Variants in NRN1 observed in about 807,000 individuals in gnomAD.
NRN1 encodes the protein neuritin.
NRN1 carries 4 observed loss-of-function variants against 15.0 expected under a neutral mutation model. That is an observed-to-expected ratio of 0.27 (90% CI 0.13 to 0.61). The LOEUF is 0.61. Among genes scored for constraint, NRN1 ranks in the 20% least tolerant of loss-of-function variants. The probability of loss-of-function intolerance (pLI) is 0.87; values close to 1 mark genes in which losing one functional copy is unlikely to be tolerated. For synonymous variants in NRN1, 85 were observed against 79.8 expected, an observed-to-expected ratio of 1.07 and a Z score of -0.35; for missense variants, 134 against 181.9, an observed-to-expected ratio of 0.74 and a Z score of 1.51.
intron 1 of NRN1, chr6:6,003,686 A>G (rs1758029414): frequency 2.4e-6 from 3 of 1,233,436 alleles, no homozygotes; most frequent in Non-Finnish European, 2.0e-6. Context: ...GAGGCGCGGG[A>G]CTGGAAGGAC....
At chr6:6,003,115 A>T (rs1219604105) in intron 1 of NRN1, 2 of 1,014,338 alleles carry the variant, frequency 2.0e-6, no homozygotes, top group Non-Finnish European at 2.5e-6. Context: ...TAGTCCCTGG[A>T]AGCCACCAGC....
chr6:6,006,513 G>A (rs781172888), intron 1 of NRN1, among the ~76,000 whole-genome samples, 182 bp downstream of exon 1: 2 of 152,186 alleles, frequency 1.3e-5, no homozygotes, highest in Non-Finnish European at 2.9e-5. Context: ...GGAATCTATA[G>A]CTTTAGGAAA....
chr6:6,003,350 A>G (rs1488666420), intron 1 of NRN1: 5 of 843,706 alleles, frequency 5.9e-6, no homozygotes, highest in Non-Finnish European at 7.9e-6. Flanking sequence ...GGCCAAATCC[A>G]CGAACCTCGG....
At chr6:6,000,171 A>G (rs1474667700) in intron 2 of NRN1, among the ~76,000 whole-genome samples, 2 of 152,060 alleles carry the variant, frequency 1.3e-5, no homozygotes, top group African/African-American at 2.4e-5. Flanking sequence ...ACCTCTGCCA[A>G]CCTTCGAGGA....
At chr6:6,006,500 T>C (rs1441315258) in intron 1 of NRN1, among the ~76,000 whole-genome samples, 195 bp downstream of exon 1, 1 of 152,070 alleles carries the variant, frequency 6.6e-6, no homozygotes, top group African/African-American at 2.4e-5. Context: ...CTGGCGAACA[T>C]TTGGAATCTA....
rs764429593 is a variant in NRN1 at position 6,002,469 on chromosome 6, C to T, written c.84G>A (p.Ala28=). ...IAYLVQAVRA[A]GKCDAVFKGF... Reference sequence around the variant, plus strand: ...CCTTGAAGACCGCATCGCACTTGCCCGCTGCTCTCACGGCCTGCACCAGAT... The same window carrying T: ...CCTTGAAGACCGCATCGCACTTGCCTGCTGCTCTCACGGCCTGCACCAGAT... Residue 28 remains alanine, a synonymous_variant, in exon 2 of 3, where the codon GCG becomes GCA. Transcript: ENST00000244766. 2 of 1,614,114 alleles carry T rather than the reference C, an allele frequency of 1.2e-6. No homozygotes were observed. Among genetic ancestry groups the T allele is most frequent in the Non-Finnish European group, 8.5e-7 (1 of 1,179,990 alleles).
intron 2 of NRN1, among the ~76,000 whole-genome samples, chr6:5,999,995 T>G (rs1757895459): frequency 6.6e-6 from 1 of 152,194 alleles, no homozygotes; most frequent in Non-Finnish European, 1.5e-5. Flanking sequence ...GTAGCCTTCA[T>G]CTGCTCTTGC....
rs1044287654 is a variant in NRN1 at position 5,998,930 on chromosome 6, C to T, written c.*46G>A. ...GGATCTTCCTCTCGATTTCCGGGAG[C>T]ATGGAGTGAGTGTGGGTGGGCGCGC... On this transcript the variant is annotated 3_prime_UTR_variant, in exon 3 of 3. Transcript: ENST00000244766. 7.3e-7 allele frequency: 1 copy of T among 1,374,230 alleles called. No homozygotes were observed. Among genetic ancestry groups the T allele is most frequent in the Non-Finnish European group, 1.0e-6 (1 of 977,942 alleles). 85.1% of individuals were successfully genotyped at this position (1,374,230 alleles called of 1,614,324 possible).
intron 2 of NRN1, among the ~76,000 whole-genome samples, chr6:6,000,665 C>G (rs1330658590): frequency 6.7e-6 from 1 of 150,006 alleles, no homozygotes; most frequent in Non-Finnish European, 1.5e-5. Flanking sequence ...CCAGGGAGGA[C>G]AGCTTTCCTG....
rs1758123255 is a variant in NRN1 at position 6,006,848 on chromosome 6, G to A, written c.-99C>T. ...AAAATAGGCATTGCCAACAAGTTCC[G>A]GGAGCGACAGAGACTTTATGCACTG... On this transcript the variant is annotated 5_prime_UTR_variant, in exon 1 of 3. Coordinates refer to ENST00000244766, the MANE Select transcript of NRN1 (RefSeq NM_016588.3). The A allele has an allele frequency of 2.9e-6, 3 of 1,037,590 alleles. No individual in the cohort carries two copies. Among genetic ancestry groups the A allele is most frequent in the African/African-American group, 1.6e-5 (1 of 63,902 alleles). The allele number at this position is 1,037,590 out of a possible 1,614,324, so 64.3% of individuals were successfully genotyped here.
In NRN1 at chr6:5,998,887, C is replaced by A; in HGVS notation, c.*89G>T. 2 of 848,346 alleles carry A rather than the reference C, an allele frequency of 2.4e-6. No individual in the cohort carries two copies. Among genetic ancestry groups the A allele is most frequent in the South Asian group, 1.6e-5 (1 of 63,304 alleles). The allele number at this position is 848,346 out of a possible 1,614,324, so 52.6% of individuals were successfully genotyped here. ...TTTTCAGCATCACAGAGAATCACAA[C>A]GTCCCCAAAGAACTAATGGATCTTC... On this transcript the variant is annotated 3_prime_UTR_variant, in exon 3 of 3. Transcript: ENST00000244766.
chr6:5,998,531 C>G lies in NRN1; in HGVS notation c.*445G>C, dbSNP rs1757830916. On this transcript the variant is annotated 3_prime_UTR_variant, in exon 3 of 3. Transcript: ENST00000244766. ...CCGTATGTTTCGTCCGTGGACATCT[C>G]TCTTGAATTCATTCCCCTGGCCTTC... 6.4e-6 allele frequency: 1 copy of G among 155,842 alleles called. No homozygotes were observed. Among genetic ancestry groups the G allele is most frequent in the Non-Finnish European group, 1.4e-5 (1 of 70,240 alleles). The allele number at this position is 155,842 out of a possible 1,614,324, so 9.7% of individuals were successfully genotyped here.
At chr6:6,002,253 G>A (rs900755752) in intron 2 of NRN1, 100 bp downstream of exon 2, 50 of 1,452,018 alleles carry the variant, frequency 3.4e-5, no homozygotes, top group Middle Eastern at 3.6e-4. Flanking sequence ...GCGGATTCGC[G>A]CTGGCGCTGA....
In NRN1 at chr6:5,998,344, T is replaced by TA. The variant is rs1757823955; in HGVS notation, c.*631dup. 1 of 152,328 alleles carries TA rather than the reference T, an allele frequency of 6.6e-6. No homozygotes were observed. The highest frequency in any genetic ancestry group is 1.5e-5 in the Non-Finnish European group (1 of 68,122). The allele number at this position is 152,328 out of a possible 1,614,324, so 9.4% of individuals were successfully genotyped here. On this transcript the variant is annotated 3_prime_UTR_variant, in exon 3 of 3. Transcript: ENST00000244766. The stretch of plus-strand genomic sequence containing the variant: ...TAGCAGCATGTCTTCTGGAAGCCTT[T>TA]ACTCTTACCCCAGAGATTTCCTCAG...
Position 6,002,599 on chromosome 6 carries a change from G to C in NRN1, c.56-102C>G, listed in dbSNP as rs934170888. The C allele has an allele frequency of 2.7e-6, 4 of 1,475,168 alleles. No homozygotes were observed. In the East Asian group the frequency reaches 7.1e-5, roughly 26 times the overall value. 91.4% of individuals were successfully genotyped at this position (1,475,168 alleles called of 1,614,324 possible). A position where few individuals can be genotyped will look rare whatever the true frequency, so the allele number is the denominator to read the frequency against. On this transcript the variant is annotated intron_variant, in intron 1 of 2. Coordinates refer to ENST00000244766, the MANE Select transcript of NRN1 (RefSeq NM_016588.3). Reference sequence around the variant, plus strand: ...TGGCTCCGCGCGGCCTCATCGCATCGGGCGGCCTCTCCCAGCGCCCAGCCT... The same window carrying C: ...TGGCTCCGCGCGGCCTCATCGCATCCGGCGGCCTCTCCCAGCGCCCAGCCT...
At chr6:6,006,668 C>A in intron 1 of NRN1, 27 bp downstream of exon 1, 2 of 1,613,140 alleles carry the variant, frequency 1.2e-6, no homozygotes, top group Non-Finnish European at 1.7e-6. Context: ...CGCCTCCAGC[C>A]TCCAGCCGGG....
intron 2 of NRN1, 113 bp downstream of exon 2, chr6:6,002,240 G>T: frequency 7.3e-7 from 1 of 1,365,392 alleles, no homozygotes. Context: ...AGAGTGAGCC[G>T]ATGCGGATTC....
chr6:6,003,409 C>T (rs1758018510), intron 1 of NRN1: 1 of 481,190 alleles, frequency 2.1e-6, no homozygotes, highest in Non-Finnish European at 3.3e-6. Context: ...CCCCAGACAC[C>T]CTTAACAACC....
intron 1 of NRN1, among the ~76,000 whole-genome samples, chr6:6,004,416 C>T (rs1758053008): frequency 6.6e-6 from 1 of 152,178 alleles, no homozygotes. Flanking sequence ...GTCCACGTCT[C>T]TCCCCACCCC....
Sources: gnomAD v4.1 joint callset for allele counts (sites outside exome capture counted in the v4.1 genomes callset) on GRCh38, gnomAD v4.1.1 for gene constraint, MANE v1.5 for transcripts, NCBI Gene and HGNC (gene_info 2026-07-23, HGNC 2026-07-21) for gene names.